The following KCNIP4 variants were observed in gnomAD, a reference collection of about 807,000 sequenced individuals.
KCNIP4 encodes the protein Kv channel-interacting protein 4.
Under a neutral mutation model 34.0 loss-of-function variants are expected in KCNIP4, and 12 were observed. The ratio of observed to expected loss-of-function variants is 0.35; its 90% CI spans 0.23 to 0.57. KCNIP4 has a LOEUF of 0.57. Ranked by LOEUF, KCNIP4 falls within the 20% of genes least tolerant of loss-of-function variation. KCNIP4 has a pLI of 0.83. For missense variants in KCNIP4, 238 were observed against 311.7 expected, an observed-to-expected ratio of 0.76 and a Z score of 1.78; for synonymous variants, 124 against 102.2, an observed-to-expected ratio of 1.21 and a Z score of -1.29.
At chr4:21,361,046 A>T (rs1719170646) in intron 1 of KCNIP4, among the ~76,000 whole-genome samples, 2 of 152,064 alleles carry the variant, frequency 1.3e-5, no homozygotes, top group African/African-American at 4.8e-5. Context: ...CATCATCATC[A>T]TCATCATCAT....
At chr4:21,305,603 C>A (rs1712373607) in intron 1 of KCNIP4, among the ~76,000 whole-genome samples, 1 of 152,164 alleles carries the variant, frequency 6.6e-6, no homozygotes, top group African/African-American at 2.4e-5. Context: ...GCCTACAGAA[C>A]AAAGTTGAAG....
intron 1 of KCNIP4, among the ~76,000 whole-genome samples, chr4:21,731,202 A>G (rs1418831875): frequency 6.6e-5 from 10 of 151,990 alleles, no homozygotes; most frequent in Non-Finnish European, 7.4e-5. Context: ...TGGGTGAGAG[A>G]GGCTGTCCCA....
At chr4:20,732,545 A>G (rs1748574487) in intron 7 of KCNIP4, 136 bp downstream of exon 7, 4 of 667,658 alleles carry the variant, frequency 6.0e-6, no homozygotes, top group African/African-American at 5.5e-5. Flanking sequence ...TATTAAATTA[A>G]TAGGATGCTA....
intron 2 of KCNIP4, among the ~76,000 whole-genome samples, chr4:20,857,866 A>C (rs1017710791): frequency 1.3e-5 from 2 of 152,034 alleles, no homozygotes; most frequent in African/African-American, 2.4e-5. Context: ...CCTCAAATTC[A>C]TATGTTGAAG....
In KCNIP4 at chr4:20,732,612, G is replaced by A. The variant is rs1056841919; in HGVS notation, c.642+69C>T. The A allele has an allele frequency of 1.1e-5, 10 of 910,982 alleles. No homozygotes were observed. In the East Asian group the frequency reaches 2.4e-4, roughly 22 times the overall value. The allele number at this position is 910,982 out of a possible 1,614,324, so 56.4% of individuals were successfully genotyped here. The stretch of plus-strand genomic sequence containing the variant: ...CCTTTGCTCTCTTTTGAATCATCGT[G>A]GTGCATGGCAAACATCAGGAAATTT... On this transcript the variant is annotated intron_variant, in intron 7 of 8. Coordinates refer to ENST00000382152, the MANE Select transcript of KCNIP4 (RefSeq NM_025221.6).
intron 1 of KCNIP4, among the ~76,000 whole-genome samples, chr4:21,524,188 T>A (rs1316726557): frequency 9.2e-5 from 14 of 151,702 alleles, no homozygotes; most frequent in Non-Finnish European, 2.9e-5. Flanking sequence ...TTCACCTGCC[T>A]CACTGTGGTA....
chr4:21,694,915 A>G (rs1310942236), intron 1 of KCNIP4, among the ~76,000 whole-genome samples: 43 of 84,990 alleles, frequency 5.1e-4, no homozygotes, highest in Non-Finnish European at 9.4e-4. Context: ...ACGATTGACC[A>G]AAAAAAAAAA....
At chr4:21,832,523 C>A (rs916636984) in intron 1 of KCNIP4, among the ~76,000 whole-genome samples, 1 of 152,044 alleles carries the variant, frequency 6.6e-6, no homozygotes, top group African/African-American at 2.4e-5. Flanking sequence ...CAGTTTGAAA[C>A]CCACTCTCAA....
At chr4:21,556,521 T>C (rs1370795355) in intron 1 of KCNIP4, among the ~76,000 whole-genome samples, 2 of 152,168 alleles carry the variant, frequency 1.3e-5, no homozygotes, top group Non-Finnish European at 2.9e-5. Flanking sequence ...AACCAGATGA[T>C]TGCAGAAGTG....
intron 1 of KCNIP4, among the ~76,000 whole-genome samples, chr4:21,566,202 A>T (rs1326135647): frequency 1.3e-5 from 2 of 152,194 alleles, no homozygotes; most frequent in Non-Finnish European, 2.9e-5. Flanking sequence ...AATAGTGTGA[A>T]GAATGAGTTG....
At chr4:21,304,107 GACAGA>G (rs1712147282) in intron 1 of KCNIP4, 4 of 521,008 alleles carry the variant, frequency 7.7e-6, no homozygotes, top group Admixed American at 4.2e-5. Flanking sequence ...GAGAGAGAGA[GACAGA>G]GGAGAGAGAG....
intron 1 of KCNIP4, among the ~76,000 whole-genome samples, chr4:21,730,365 G>A (rs1052971435): frequency 3.3e-5 from 5 of 151,940 alleles, no homozygotes; most frequent in African/African-American, 1.2e-4. Flanking sequence ...GACCTCCTTG[G>A]AGGAAATAGT....
chr4:21,322,582 G>C (rs1471152634), intron 1 of KCNIP4, among the ~76,000 whole-genome samples: 1 of 152,076 alleles, frequency 6.6e-6, no homozygotes, highest in African/African-American at 2.4e-5. Context: ...GAGTCCCATT[G>C]TTTGTAGCTG....
intron 1 of KCNIP4, among the ~76,000 whole-genome samples, chr4:21,442,271 C>CT (rs745608210): frequency 2.6e-5 from 4 of 152,220 alleles, no homozygotes; most frequent in Admixed American, 6.5e-5. Flanking sequence ...TTTTTCCTTC[C>CT]TAGCACTTGT....
At chr4:21,739,828 T>C (rs1176808449) in intron 1 of KCNIP4, among the ~76,000 whole-genome samples, 1 of 152,052 alleles carries the variant, frequency 6.6e-6, no homozygotes, top group African/African-American at 2.4e-5. Flanking sequence ...ACTACTATTA[T>C]GCAAAAGAAG....
intron 1 of KCNIP4, among the ~76,000 whole-genome samples, chr4:21,705,533 T>C (rs1713197869): frequency 6.6e-6 from 1 of 152,042 alleles, no homozygotes. Context: ...TATACATGAG[T>C]GAACCCAATA....
At chr4:21,714,792 TTA>T (rs1491494101) in intron 1 of KCNIP4, among the ~76,000 whole-genome samples, 14 of 346 alleles carry the variant, frequency 0.04, no homozygotes, top group South Asian at 0.071. Context: ...TTTGATTATT[TTA>T]TTTTATTTTA....
rs201876148 is a variant in KCNIP4, at chr4:21,200,300, G to GTA, written c.62-317593_62-317592dup. 3.4e-3 allele frequency among the ~76,000 whole-genome samples: 461 copies of GTA among 136,344 alleles called. 32 individuals carry two copies. The East Asian group carries it at 0.058, about 17-fold the overall frequency. 89.4% of individuals were successfully genotyped at this position (136,344 alleles called of 152,430 possible). ...AAATGTGATGTGTGTGTGTGTGTGT[G>GTA]TATATATATACATACATATATGTGT... On this transcript the variant is annotated intron_variant, in intron 1 of 8. Coordinates refer to ENST00000382152, the MANE Select transcript of KCNIP4 (RefSeq NM_025221.6).
intron 1 of KCNIP4, among the ~76,000 whole-genome samples, chr4:21,171,376 G>A (rs1002116622): frequency 1.2e-4 from 18 of 152,206 alleles, no homozygotes; most frequent in African/African-American, 4.3e-4. Context: ...TTGGCAGAGA[G>A]GAGCCTGTCT....
Sources: gnomAD v4.1 joint callset for allele counts (sites outside exome capture counted in the v4.1 genomes callset) on GRCh38, gnomAD v4.1.1 for gene constraint, MANE v1.5 for transcripts, NCBI Gene and HGNC (gene_info 2026-07-23, HGNC 2026-07-21) for gene names.